The following NRK variants were observed in gnomAD, a reference collection of about 807,000 sequenced individuals.
NRK encodes Nik related kinase, also known as nik-related protein kinase.
A neutral mutation model predicts 125.2 loss-of-function variants in NRK; 67 were observed. That is an observed-to-expected ratio of 0.54 (90% CI 0.44 to 0.66). The LOEUF (loss-of-function observed/expected upper bound fraction) is 0.66, where lower values mean the gene tolerates loss of function less well. Ranked by LOEUF, NRK falls within the 30% of genes least tolerant of loss-of-function variation. The pLI is 0.00. For synonymous variants in NRK, 458 were observed against 429.0 expected (o/e 1.07, Z -0.84); for missense variants, 1,224 against 1,192.9 (o/e 1.03, Z -0.38).
Position 105,955,682 on chromosome X carries a change from A to G in NRK, c.*82A>G, listed in dbSNP as rs1264534802. The stretch of plus-strand genomic sequence containing the variant: ...TTCAGATTTCAGAGATTAAATGAGT[A>G]TTCAGTTTTATTTTTAGTAAAGATT... On this transcript the variant is annotated 3_prime_UTR_variant, in exon 29 of 29. Transcript: ENST00000243300. The G allele has an allele frequency of 2.0e-6, 1 of 491,369 alleles. No individual in the cohort carries two copies. The highest frequency in any genetic ancestry group is 3.5e-6 in the Non-Finnish European group (1 of 281,720). The allele number at this position is 491,369 out of a possible 1,213,427, so 40.5% of individuals were successfully genotyped here.
intron 2 of NRK, among the ~76,000 whole-genome samples, chrX:105,857,879 T>TCA (rs1307582776): frequency 9.1e-6 from 1 of 110,425 alleles, no homozygotes; most frequent in East Asian, 2.8e-4. Flanking sequence ...TTTTTCCTTC[T>TCA]CTCTCTCTCT....
At chrX:105,893,985 C>T (rs762070532) in intron 6 of NRK, 43 bp downstream of exon 6, 3 of 740,082 alleles carry the variant, frequency 4.1e-6, no homozygotes, top group Admixed American at 2.5e-5. Context: ...TTTTAAGAAC[C>T]TGGGAGTAAT....
chrX:105,953,254 C>T (rs909623455), intron 28 of NRK, 81 bp downstream of exon 28: 34 of 737,752 alleles, frequency 4.6e-5, no homozygotes, highest in Admixed American at 9.4e-5. Context: ...CTGTCCTTTT[C>T]CTTCTGGCTA....
In NRK at chrX:105,828,781, T is replaced by C. The variant is rs182877636; in HGVS notation, c.58-2273T>C. ...TTTCTCTCATAAATCTTTCAATGAG[T>C]TATAACAAAAGTGATATGCTTAATA... On this transcript the variant is annotated intron_variant, in intron 1 of 28. Transcript: ENST00000243300. Among the ~76,000 whole-genome samples, 25 of 111,904 alleles carry C rather than the reference T, an allele frequency of 2.2e-4. No homozygotes were observed. In the Admixed American group the frequency reaches 2.3e-3, roughly 10 times the overall value.
At chrX:105,829,742 T>A (rs1487350839) in intron 1 of NRK, among the ~76,000 whole-genome samples, 3 of 111,812 alleles carry the variant, frequency 2.7e-5, no homozygotes, top group Non-Finnish European at 5.7e-5. Flanking sequence ...AAACGTCACT[T>A]TGTGCCATGA....
chrX:105,826,272 A>G, intron 1 of NRK, among the ~76,000 whole-genome samples: 1 of 67,616 alleles, frequency 1.5e-5, no homozygotes, highest in East Asian at 3.7e-4. Flanking sequence ...TTCATATATA[A>G]TATATATGAA....
At chrX:105,905,546 A>G (rs1252880525) in intron 10 of NRK, among the ~76,000 whole-genome samples, 5 of 112,787 alleles carry the variant, frequency 4.4e-5, no homozygotes, top group Non-Finnish European at 7.5e-5. Context: ...AATATCCTCT[A>G]TAGTATTTTC....
At chrX:105,869,542 A>G (rs866642562) in intron 2 of NRK, among the ~76,000 whole-genome samples, 2 of 111,334 alleles carry the variant, frequency 1.8e-5, no homozygotes, top group East Asian at 2.9e-4. Context: ...CAGTGCTTCT[A>G]AAGTGCCTTT....
intron 25 of NRK, 136 bp from the exon 26 acceptor site, chrX:105,946,179 C>A (rs2040810194): frequency 1.4e-6 from 1 of 729,641 alleles, no homozygotes; most frequent in Admixed American, 3.8e-5. Context: ...ACACAGGTCT[C>A]TAAATACAAT....
In NRK at chrX:105,934,373, T is replaced by C. The variant is rs757892506; in HGVS notation, c.3428T>C (p.Phe1143Ser). 8.3e-7 allele frequency: 1 copy of C among 1,203,894 alleles called. No individual in the cohort carries two copies. The highest frequency in any genetic ancestry group is 3.0e-5 in the East Asian group (1 of 33,700). ...DISESSTQSD[F>S]SANHSSPSKG... ...TCAGAATCATCAACACAATCAGATT[T>C]TTCTGCCAATCACTCATCTCCTTCC... Residue 1143 changes from phenylalanine (F) to serine (S), a missense_variant, in exon 20 of 29, where the codon TTT (phenylalanine) becomes TCT (serine). Physicochemically the swap from Phe to Ser is radical, Grantham distance 155. Coordinates refer to ENST00000243300, the MANE Select transcript of NRK (RefSeq NM_198465.4).
chrX:105,925,098 T>A, intron 19 of NRK, 67 bp downstream of exon 19: 1 of 784,752 alleles, frequency 1.3e-6, no homozygotes, highest in Non-Finnish European at 1.9e-6. Context: ...ATGGGACATG[T>A]AGCATTTCTA....
chrX:105,954,452 G>C (rs1045612737), intron 28 of NRK, among the ~76,000 whole-genome samples: 1 of 110,362 alleles, frequency 9.1e-6, no homozygotes, highest in Non-Finnish European at 1.9e-5. Context: ...AAGATTATTT[G>C]TTTTCTTGAT....
At chrX:105,869,675 G>T (rs2039717681) in intron 2 of NRK, among the ~76,000 whole-genome samples, 1 of 111,753 alleles carries the variant, frequency 8.9e-6, no homozygotes. Flanking sequence ...TTGTACCTCT[G>T]TGGACACACC....
intron 9 of NRK, among the ~76,000 whole-genome samples, chrX:105,901,423 A>G (rs906918227): frequency 1.6e-4 from 18 of 111,615 alleles, no homozygotes; most frequent in African/African-American, 5.9e-4. Flanking sequence ...ATAAATGACA[A>G]TGCATCTTTG....
chrX:105,950,578 G>GTGTGT (rs1246499599), intron 27 of NRK, among the ~76,000 whole-genome samples: 1 of 89,878 alleles, frequency 1.1e-5, no homozygotes, highest in Non-Finnish European at 2.2e-5. Flanking sequence ...GTGTGTGTGT[G>GTGTGT]GAGAGAGAGA....
At chrX:105,882,139 G>T (rs1249614207) in intron 4 of NRK, among the ~76,000 whole-genome samples, 1 of 110,707 alleles carries the variant, frequency 9.0e-6, no homozygotes, top group Non-Finnish European at 1.9e-5. Context: ...GCCTTGGAAA[G>T]GTCCTTTTCA....
At position 105,937,564 on chromosome X, in the gene NRK, T is replaced by A; in HGVS notation, c.3781T>A (p.Leu1261Met). 2 of 1,198,447 alleles carry A rather than the reference T, an allele frequency of 1.7e-6. No homozygotes were observed. Among genetic ancestry groups the A allele is most frequent in the Non-Finnish European group, 2.3e-6 (2 of 887,842 alleles). The change falls in exon 22 of 29, where the codon TTG (leucine) becomes ATG (methionine). Residue 1261 changes from leucine (L) to methionine (M), a missense_variant. Coordinates refer to ENST00000243300, the MANE Select transcript of NRK (RefSeq NM_198465.4). ...RQIQVLEPLN[L>M]LITISGHKNR... ...GATTCAAGTCTTAGAGCCACTCAAT[T>A]TGCTGATTACCATCTCAGGTTTGTT...
intron 18 of NRK, among the ~76,000 whole-genome samples, chrX:105,923,977 G>A (rs1349566659): frequency 1.0e-5 from 1 of 98,244 alleles, no homozygotes; most frequent in African/African-American, 3.7e-5. Context: ...AAATTACCAA[G>A]AGCTCTTTTA....
intron 5 of NRK, among the ~76,000 whole-genome samples, chrX:105,889,610 T>C (rs2039991486): frequency 8.9e-6 from 1 of 112,553 alleles, no homozygotes; most frequent in South Asian, 3.7e-4. Flanking sequence ...TTCAGGAGTT[T>C]CCATACATCT....
Sources: gnomAD v4.1 joint callset for allele counts (sites outside exome capture counted in the v4.1 genomes callset) on GRCh38, gnomAD v4.1.1 for gene constraint, MANE v1.5 for transcripts, NCBI Gene and HGNC (gene_info 2026-07-23, HGNC 2026-07-21) for gene names.